ITGB6: variants seen among roughly 807,000 people sequenced by gnomAD.
The protein encoded by ITGB6 is integrin beta-6.
ITGB6 carries 80 observed loss-of-function variants against 84.5 expected under a neutral mutation model. The ratio of observed to expected loss-of-function variants is 0.95; its 90% CI spans 0.79 to 1.14. The LOEUF is 1.14. ITGB6 is among the 50% of genes most tolerant of loss of function. ITGB6 has a pLI of 0.00. For missense variants in ITGB6, 1,006 were observed against 968.0 expected, an observed-to-expected ratio of 1.04 and a Z score of -0.52; for synonymous variants, 383 against 354.9, an observed-to-expected ratio of 1.08 and a Z score of -0.89.
At chr2:160,173,840 A>C in intron 5 of ITGB6, 134 bp downstream of exon 5, 1 of 777,768 alleles carries the variant, frequency 1.3e-6, no homozygotes, top group Non-Finnish European at 2.0e-6. Context: ...AAAATTGTGT[A>C]TTTTAAGAAA....
At position 160,135,163 on chromosome 2, in the gene ITGB6, C is replaced by G. The variant is rs553883693; in HGVS notation, c.1660+2271G>C. ...TTGTATATCTAGAAAACCCCACTGT[C>G]TCAGCCCAAAATCTCCTTAAGCTGA... On this transcript the variant is annotated intron_variant, in intron 10 of 14. Coordinates refer to ENST00000283249, the MANE Select transcript of ITGB6 (RefSeq NM_000888.5). 8.7e-3 allele frequency among the ~76,000 whole-genome samples: 1,299 copies of G among 149,670 alleles called. 14 individuals are homozygous for G. The highest frequency in any genetic ancestry group is 0.03 in the African/African-American group (1,229 of 40,878).
At chr2:160,118,887 C>A (rs1303588460) in intron 12 of ITGB6, among the ~76,000 whole-genome samples, 1 of 152,054 alleles carries the variant, frequency 6.6e-6, no homozygotes, top group Non-Finnish European at 1.5e-5. Context: ...AAACAGAGAA[C>A]CAAATCATGA....
chr2:160,157,103 T>C (rs767873712), intron 7 of ITGB6, among the ~76,000 whole-genome samples: 13 of 152,166 alleles, frequency 8.5e-5, no homozygotes, highest in Admixed American at 5.2e-4. Flanking sequence ...TCTGCGTCCA[T>C]TGTCACATGA....
chr2:160,193,249 G>A (rs1281782304), intron 4 of ITGB6, among the ~76,000 whole-genome samples: 2 of 151,988 alleles, frequency 1.3e-5, no homozygotes, highest in African/African-American at 4.8e-5. Flanking sequence ...ACCAATAAAA[G>A]AGTAAATAAA....
intron 11 of ITGB6, among the ~76,000 whole-genome samples, chr2:160,125,111 G>A (rs147117333): frequency 5.5e-5 from 8 of 144,868 alleles, no homozygotes; most frequent in Non-Finnish European, 1.1e-4. Context: ...GCATTGCAAT[G>A]ACTTTAAAAG....
Position 160,192,721 on chromosome 2 carries a change from A to T in ITGB6, c.593+2648T>A, listed in dbSNP as rs1402441371. Among the ~76,000 whole-genome samples the T allele has an allele frequency of 2.0e-5, 3 of 152,106 alleles. No individual in the cohort carries two copies. In the East Asian group the frequency reaches 5.8e-4, roughly 29 times the overall value. On this transcript the variant is annotated intron_variant, in intron 4 of 14. Transcript: ENST00000283249. ...GAGAATATTTTTGACTAAAATATCT[A>T]TTTTTTGGCAAAATATATTTGACAA...
In ITGB6 at chr2:160,180,918, T is replaced by A. The variant is rs575317686; in HGVS notation, c.594-6779A>T. Reference sequence around the variant, plus strand: ...ACTCCCTCCCCTAGCCAAGGGAAGCTGTGAGGGACTGTGCCATGAGGAATG... The same window carrying A: ...ACTCCCTCCCCTAGCCAAGGGAAGCAGTGAGGGACTGTGCCATGAGGAATG... On this transcript the variant is annotated intron_variant, in intron 4 of 14. Transcript: ENST00000283249. Among the ~76,000 whole-genome samples the A allele has an allele frequency of 8.5e-5, 13 of 152,260 alleles. No homozygotes were observed. The East Asian group carries it at 2.5e-3, about 29-fold the overall frequency.
chr2:160,120,668 T>TA (rs200095827), intron 12 of ITGB6, among the ~76,000 whole-genome samples: 178 of 16,126 alleles, frequency 0.011, 19 homozygotes, highest in Middle Eastern at 0.091. Context: ...AGAGTATAAT[T>TA]AAAAAAAAAA....
At chr2:160,136,517 G>T (rs1188324686) in intron 10 of ITGB6, among the ~76,000 whole-genome samples, 1 of 152,154 alleles carries the variant, frequency 6.6e-6, no homozygotes, top group African/African-American at 2.4e-5. Context: ...TCTAGAACTA[G>T]AAATACCATT....
rs754573154 is a variant in ITGB6 at position 160,101,806 on chromosome 2, G to A, written c.2297C>T (p.Thr766Ile). The A allele has an allele frequency of 6.3e-7, 1 of 1,592,808 alleles. No homozygotes were observed. The highest frequency in any genetic ancestry group is 8.6e-7 in the Non-Finnish European group (1 of 1,162,352). Reference sequence around the variant, plus strand: ...ATAAGTTACATTTTTAAAAGTACTTGTGGATCCTCTGTAGAGTGGATTGGT... The same window carrying A: ...ATAAGTTACATTTTTAAAAGTACTTATGGATCCTCTGTAGAGTGGATTGGT... ...TGTNPLYRGS[T>I]STFKNVTYKH... Residue 766 changes from threonine to isoleucine, a missense_variant, in exon 15 of 15, where the codon ACA (threonine) becomes ATA (isoleucine). Transcript: ENST00000283249.
At chr2:160,194,300 G>A (rs998937522) in intron 4 of ITGB6, among the ~76,000 whole-genome samples, 4 of 151,852 alleles carry the variant, frequency 2.6e-5, no homozygotes, top group African/African-American at 9.7e-5. Flanking sequence ...TATTATGTTA[G>A]ATTGTAGTTG....
At chr2:160,114,241 T>C (rs1373979663) in intron 12 of ITGB6, among the ~76,000 whole-genome samples, 2 of 152,216 alleles carry the variant, frequency 1.3e-5, no homozygotes, top group African/African-American at 2.4e-5. Flanking sequence ...AGATGTAGCC[T>C]GTTTCATGGT....
chr2:160,178,168 C>T (rs1685507018), intron 4 of ITGB6, among the ~76,000 whole-genome samples: 1 of 152,234 alleles, frequency 6.6e-6, no homozygotes, highest in Non-Finnish European at 1.5e-5. Context: ...CACCACTGTG[C>T]CCGGCCAGTT....
chr2:160,199,808 A>G (rs1282093550), intron 1 of ITGB6, among the ~76,000 whole-genome samples, 195 bp downstream of exon 1: 1 of 152,186 alleles, frequency 6.6e-6, no homozygotes, highest in African/African-American at 2.4e-5. Context: ...CTTTGTATTT[A>G]TTTACCTTAA....
At chr2:160,119,820 GA>G (rs977804055) in intron 12 of ITGB6, among the ~76,000 whole-genome samples, 70 of 151,956 alleles carry the variant, frequency 4.6e-4, no homozygotes, top group Non-Finnish European at 8.4e-4. Flanking sequence ...AAATTTACAA[GA>G]AAAAAACAAA....
chr2:160,109,682 A>T (rs1395523077), intron 13 of ITGB6, among the ~76,000 whole-genome samples: 1 of 152,242 alleles, frequency 6.6e-6, no homozygotes. Flanking sequence ...CTGAAAATGG[A>T]TTTCTACGTG....
At chr2:160,119,219 G>A (rs984434830) in intron 12 of ITGB6, among the ~76,000 whole-genome samples, 2 of 152,160 alleles carry the variant, frequency 1.3e-5, no homozygotes, top group Non-Finnish European at 2.9e-5. Context: ...TCAATCCTAA[G>A]CCAAAAGAAC....
chr2:160,196,354 A>G lies in ITGB6; in HGVS notation c.208T>C (p.Cys70Arg), dbSNP rs764621080. The change falls in exon 3 of 15, where the codon TGT (cysteine) becomes CGT (arginine). Residue 70 changes from cysteine (C) to arginine (R), a missense_variant. Coordinates refer to ENST00000283249, the MANE Select transcript of ITGB6 (RefSeq NM_000888.5). Reference sequence around the variant, plus strand: ...GGGTTTTCGATGAAGTTTAATTGACATCCTTTAGCTAAAAGGTTTGCTGGG... The same window carrying G: ...GGGTTTTCGATGAAGTTTAATTGACGTCCTTTAGCTAAAAGGTTTGCTGGG... ...DTPANLLAKGCQLNFIENPVS... is the reference protein window; with the variant it reads ...DTPANLLAKGRQLNFIENPVS... The G allele has an allele frequency of 6.2e-7, 1 of 1,614,080 alleles. No individual in the cohort carries two copies. Among genetic ancestry groups the G allele is most frequent in the Non-Finnish European group, 8.5e-7 (1 of 1,179,974 alleles).
In ITGB6 at chr2:160,137,414, T is replaced by C. The variant is rs375265584; in HGVS notation, c.1660+20A>G. The C allele has an allele frequency of 1.4e-5, 23 of 1,587,880 alleles. No homozygotes were observed. Among genetic ancestry groups the C allele is most frequent in the Non-Finnish European group, 1.8e-5 (21 of 1,164,120 alleles). On this transcript the variant is annotated intron_variant, in intron 10 of 14. Coordinates refer to ENST00000283249, the MANE Select transcript of ITGB6 (RefSeq NM_000888.5). ...ATACTTGAGCAGCCACAGGGTAAGATGGATTTCAACATAGCCTACCTCCGC... is the reference window on the plus strand; with the variant it reads ...ATACTTGAGCAGCCACAGGGTAAGACGGATTTCAACATAGCCTACCTCCGC...
Sources: gnomAD v4.1 joint callset for allele counts (sites outside exome capture counted in the v4.1 genomes callset) on GRCh38, gnomAD v4.1.1 for gene constraint, MANE v1.5 for transcripts, NCBI Gene and HGNC (gene_info 2026-07-23, HGNC 2026-07-21) for gene names.